The following GMPS variants were observed in gnomAD, a reference collection of about 807,000 sequenced individuals.
GMPS encodes GMP synthase [glutamine-hydrolyzing].
Under a neutral mutation model 77.9 loss-of-function variants are expected in GMPS, and 15 were observed. The ratio of observed to expected loss-of-function variants is 0.19; its 90% confidence interval spans 0.13 to 0.30. The LOEUF is 0.30. Ranked by LOEUF, GMPS falls within the 10% of genes least tolerant of loss-of-function variation. The pLI is 1.00. For synonymous variants in GMPS, 224 were observed against 275.9 expected (o/e 0.81, Z 1.86); for missense variants, 590 against 838.8 (o/e 0.70, Z 3.66).
At chr3:155,884,960 A>T (rs1414866954) in intron 1 of GMPS, among the ~76,000 whole-genome samples, 2 of 152,228 alleles carry the variant, frequency 1.3e-5, no homozygotes, top group Non-Finnish European at 2.9e-5. Flanking sequence ...AGGGTAGAAG[A>T]GAGTCTGGAC....
chr3:155,931,066 C>T (rs1755603212), intron 12 of GMPS, among the ~76,000 whole-genome samples: 1 of 151,960 alleles, frequency 6.6e-6, no homozygotes. Flanking sequence ...GCTCAACTGA[C>T]CCACCCACCT....
At chr3:155,883,163 CT>C (rs1754250063) in intron 1 of GMPS, among the ~76,000 whole-genome samples, 1 of 152,104 alleles carries the variant, frequency 6.6e-6, no homozygotes, top group Non-Finnish European at 1.5e-5. Context: ...CTTCTGCCTC[CT>C]AGGTTCAAGC....
At chr3:155,894,835 T>G (rs1006815318) in intron 2 of GMPS, among the ~76,000 whole-genome samples, 1 of 152,196 alleles carries the variant, frequency 6.6e-6, no homozygotes, top group Admixed American at 6.5e-5. Context: ...GCTCTGGTGT[T>G]AGGATACAGA....
intron 12 of GMPS, among the ~76,000 whole-genome samples, chr3:155,931,194 T>G (rs1395044686): frequency 6.6e-6 from 1 of 151,948 alleles, no homozygotes; most frequent in African/African-American, 2.4e-5. Context: ...AATACTTTTT[T>G]TTTTTTTGAG....
In GMPS at chr3:155,891,731, C is replaced by T. The variant is rs538215179; in HGVS notation, c.28-1787C>T. 1.1e-4 allele frequency among the ~76,000 whole-genome samples: 16 copies of T among 151,952 alleles called. No individual in the cohort carries two copies. The East Asian group carries it at 2.5e-3, about 24-fold the overall frequency. On this transcript the variant is annotated intron_variant, in intron 1 of 15. Coordinates refer to ENST00000496455, the MANE Select transcript of GMPS (RefSeq NM_003875.3). ...AAGTGATTCTCCTGCCTCAGCCTCCCGAGTAGCTGGGATTATAGGTGCCCA... is the reference window on the plus strand; with the variant it reads ...AAGTGATTCTCCTGCCTCAGCCTCCTGAGTAGCTGGGATTATAGGTGCCCA...
chr3:155,931,696 AAGC>A, intron 12 of GMPS, 66 bp from the exon 13 acceptor site: 1 of 609,974 alleles, frequency 1.6e-6, no homozygotes, highest in Admixed American at 2.8e-5. Flanking sequence ...AAAAAAAAAA[AAGC>A]TTTGTCAAGT....
chr3:155,941,872 GAT>G lies in GMPS; in HGVS notation c.*4184_*4185del, dbSNP rs1755899896. On this transcript the variant is annotated 3_prime_UTR_variant, in exon 16 of 16. Coordinates refer to ENST00000496455, the MANE Select transcript of GMPS (RefSeq NM_003875.3). ...CGTTTCACTTAATGGCAAGTGAAGA[GAT>G]ATAGAATCCCCCAAAGAGTGTCAAG... 2 of 214,110 alleles carry G rather than the reference GAT, an allele frequency of 9.3e-6. No homozygotes were observed. 13.3% of individuals were successfully genotyped at this position (214,110 alleles called of 1,614,324 possible).
upstream of GMPS, among the ~76,000 whole-genome samples, chr3:155,869,932 AG>A (rs1753859582): frequency 6.6e-6 from 1 of 152,064 alleles, no homozygotes; most frequent in African/African-American, 2.4e-5. Context: ...ATGGTTGCCA[AG>A]GGGTAGGTGG....
chr3:155,877,881 A>T (rs1288020394), intron 1 of GMPS, among the ~76,000 whole-genome samples: 4 of 150,530 alleles, frequency 2.7e-5, no homozygotes, highest in Non-Finnish European at 4.4e-5. Flanking sequence ...TCCTGGATTC[A>T]AGCCATTCTT....
intron 3 of GMPS, among the ~76,000 whole-genome samples, chr3:155,900,875 G>A (rs989270925): frequency 6.6e-6 from 1 of 152,118 alleles, no homozygotes; most frequent in Admixed American, 6.6e-5. Flanking sequence ...TAGTGACTAG[G>A]TTGGGTAATT....
chr3:155,891,503 A>T (rs370549544), intron 1 of GMPS, among the ~76,000 whole-genome samples: 1 of 151,904 alleles, frequency 6.6e-6, no homozygotes, highest in Non-Finnish European at 1.5e-5. Context: ...GAATATTCAT[A>T]TGACCAGAAC....
At chr3:155,924,247 C>G (rs1270130914) in intron 11 of GMPS, among the ~76,000 whole-genome samples, 1 of 152,086 alleles carries the variant, frequency 6.6e-6, no homozygotes, top group Non-Finnish European at 1.5e-5. Context: ...TCATGAGATA[C>G]AAGAAGGAAT....
intron 12 of GMPS, among the ~76,000 whole-genome samples, chr3:155,926,954 C>G (rs967189795): frequency 1.3e-5 from 2 of 151,228 alleles, no homozygotes; most frequent in African/African-American, 4.9e-5. Flanking sequence ...GCGGAGGTTG[C>G]GGTGGGCCAA....
At position 155,938,809 on chromosome 3, in the gene GMPS, G is replaced by A. The variant is rs150334241; in HGVS notation, c.*1117G>A. The A allele has an allele frequency of 4.7e-6, 1 of 212,074 alleles. No individual in the cohort carries two copies. Among genetic ancestry groups the A allele is most frequent in the African/African-American group, 2.3e-5 (1 of 44,286 alleles). The allele number at this position is 212,074 out of a possible 1,614,324, so 13.1% of individuals were successfully genotyped here. On this transcript the variant is annotated 3_prime_UTR_variant, in exon 16 of 16. Coordinates refer to ENST00000496455, the MANE Select transcript of GMPS (RefSeq NM_003875.3). ...GGATTTAAGAACTGGTGTAGGACTTGTTGCCATCACCACCAGTTTCTAACA... is the reference window on the plus strand; with the variant it reads ...GGATTTAAGAACTGGTGTAGGACTTATTGCCATCACCACCAGTTTCTAACA...
intron 1 of GMPS, among the ~76,000 whole-genome samples, chr3:155,889,823 T>C (rs993891488): frequency 1.3e-5 from 2 of 152,210 alleles, no homozygotes; most frequent in African/African-American, 4.8e-5. Context: ...GCTTATTTTA[T>C]TATGATGCAC....
rs1468446141 is a variant in GMPS, at chr3:155,896,888, A to AAT, written c.210-1039_210-1038insAT. On this transcript the variant is annotated intron_variant, in intron 2 of 15. Coordinates refer to ENST00000496455, the MANE Select transcript of GMPS (RefSeq NM_003875.3). ...CCAAATTTGTAAGTAAGTTTTTATT[A>AAT]GATTTTACAATGCCTTTTTCTTTGA... Among the ~76,000 whole-genome samples, 3 of 152,240 alleles carry AAT rather than the reference A, an allele frequency of 2.0e-5. No homozygotes were observed. The South Asian group carries it at 6.2e-4, about 32-fold the overall frequency.
Position 155,903,903 on chromosome 3 carries a change from G to C in GMPS, c.365G>C (p.Ser122Thr), listed in dbSNP as rs1172223841. Residue 122 changes from serine to threonine, a missense_variant, in exon 4 of 16, where the codon AGT becomes ACT. Physicochemically the swap from Ser to Thr is moderately conservative, Grantham distance 58. Transcript: ENST00000496455. ...KVFGGTVHKK[S>T]VREDGVFNIS... ...TTTGGAGGTACTGTGCACAAAAAAA[G>C]TGTCAGAGAAGATGGAGTTTTCAAC... is the stretch of plus-strand genomic sequence containing the variant. The C allele has an allele frequency of 6.4e-7, 1 of 1,563,160 alleles. No individual in the cohort carries two copies. Among genetic ancestry groups the C allele is most frequent in the Non-Finnish European group, 8.7e-7 (1 of 1,146,170 alleles).
chr3:155,928,167 C>T (rs1755504295), intron 12 of GMPS, among the ~76,000 whole-genome samples: 1 of 151,698 alleles, frequency 6.6e-6, no homozygotes, highest in African/African-American at 2.4e-5. Context: ...GCTGGGGTTA[C>T]AGGCACACGC....
chr3:155,869,639 A>G (rs537630486), upstream of GMPS, among the ~76,000 whole-genome samples: 4 of 152,318 alleles, frequency 2.6e-5, no homozygotes, highest in South Asian at 8.3e-4. Context: ...ACTAAGCCTC[A>G]ATTTCCTCAT....
Sources: allele counts gnomAD v4.1 joint callset (sites outside exome capture counted in the v4.1 genomes callset), GRCh38; gene constraint gnomAD v4.1.1; transcripts MANE v1.5; gene names NCBI Gene and HGNC (gene_info 2026-07-23, HGNC 2026-07-21).